Variants in KIRREL3 observed in about 807,000 individuals in gnomAD.
The protein encoded by KIRREL3 is kirre like nephrin family adhesion molecule 3.
Under a neutral mutation model 89.7 loss-of-function variants are expected in KIRREL3, and 36 were observed. The ratio of observed to expected loss-of-function variants is 0.40; its 90% CI spans 0.31 to 0.53. KIRREL3 has a LOEUF of 0.53. Ranked by LOEUF, KIRREL3 falls within the 20% of genes least tolerant of loss-of-function variation. The pLI is 0.49. For missense variants in KIRREL3, 864 were observed against 1,056.6 expected, an observed-to-expected ratio of 0.82 and a Z score of 2.53; for synonymous variants, 445 against 441.4, an observed-to-expected ratio of 1.01 and a Z score of -0.10.
chr11:126,737,478 G>A (rs1948841548), intron 1 of KIRREL3, among the ~76,000 whole-genome samples: 1 of 152,216 alleles, frequency 6.6e-6, no homozygotes, highest in Admixed American at 6.5e-5. Flanking sequence ...ACAGACGATG[G>A]TCTCCTGAGT....
intron 6 of KIRREL3, among the ~76,000 whole-genome samples, chr11:126,456,793 G>A (rs1181411696): frequency 6.6e-6 from 1 of 152,218 alleles, no homozygotes; most frequent in Non-Finnish European, 1.5e-5. Flanking sequence ...GTGCAGGGCA[G>A]AGAGGGGCGC....
intron 1 of KIRREL3, among the ~76,000 whole-genome samples, chr11:126,823,129 G>A (rs1181809384): frequency 6.6e-6 from 1 of 152,184 alleles, no homozygotes; most frequent in Non-Finnish European, 1.5e-5. Context: ...AGGCAACTCA[G>A]CAAATCCAGA....
At position 126,562,930 on chromosome 11, in the gene KIRREL3, G is replaced by A; in HGVS notation, c.56-18C>T. 1 of 1,609,066 alleles carries A rather than the reference G, an allele frequency of 6.2e-7. No homozygotes were observed. The highest frequency in any genetic ancestry group is 8.5e-7 in the Non-Finnish European group (1 of 1,175,680). On this transcript the variant is annotated intron_variant, in intron 1 of 16. Coordinates refer to ENST00000525144, the MANE Select transcript of KIRREL3 (RefSeq NM_032531.4). The surrounding 1 kb of genome is among the most constrained non-coding windows in gnomAD (Gnocchi z 4.7). ...GCCCAGCTCTGGAAGAGAAGCATAG[G>A]TGGGTGAGTTGGGAATGGGAACAGG... is the stretch of plus-strand genomic sequence containing the variant.
rs910125788 is a variant in KIRREL3, at chr11:126,876,755, G to C, written c.55+123700C>G. Among the ~76,000 whole-genome samples, 2 of 151,992 alleles carry C rather than the reference G, an allele frequency of 1.3e-5. No homozygotes were observed. The highest frequency in any genetic ancestry group is 4.8e-5 in the African/African-American group (2 of 41,360). On this transcript the variant is annotated intron_variant, in intron 1 of 16. Coordinates refer to ENST00000525144, the MANE Select transcript of KIRREL3 (RefSeq NM_032531.4). This position sits in a 1 kb window ranked among gnomAD's most constrained non-coding sequence, Gnocchi z 4.1. The stretch of plus-strand genomic sequence containing the variant: ...GGGTTTCACCATGTTGGCCAGGCTG[G>C]TTTTGAACTCATGACCTGATCTGCC...
rs552531733 is a variant in KIRREL3 at position 126,811,620 on chromosome 11, C to T, written c.55+188835G>A. 6.6e-6 allele frequency among the ~76,000 whole-genome samples: 1 copy of T among 152,202 alleles called. No individual in the cohort carries two copies. Among genetic ancestry groups the T allele is most frequent in the Admixed American group, 6.5e-5 (1 of 15,294 alleles). ...TTCTTTTTTGAGATGGAGTTTTGCT[C>T]TTGTCACCCAGGCTGGTGTGGAATG... On this transcript the variant is annotated intron_variant, in intron 1 of 16. Coordinates refer to ENST00000525144, the MANE Select transcript of KIRREL3 (RefSeq NM_032531.4). The surrounding 1 kb of genome is among the most constrained non-coding windows in gnomAD (Gnocchi z 4.3).
rs973328584 is a variant in KIRREL3 at position 126,768,006 on chromosome 11, C to T, written c.56-205094G>A. Among the ~76,000 whole-genome samples, 1 of 152,208 alleles carries T rather than the reference C, an allele frequency of 6.6e-6. No homozygotes were observed. The highest frequency in any genetic ancestry group is 1.9e-4 in the East Asian group (1 of 5,198). On this transcript the variant is annotated intron_variant, in intron 1 of 16. Transcript: ENST00000525144. This position sits in a 1 kb window ranked among gnomAD's most constrained non-coding sequence, Gnocchi z 4.5. ...AAGTCCAAATAATCTTCATGACATC[C>T]AAAGCCCTGTGTTCTGCTTCTGAAA...
intron 1 of KIRREL3, among the ~76,000 whole-genome samples, chr11:126,665,687 G>T (rs1163327895): frequency 6.6e-6 from 1 of 152,202 alleles, no homozygotes; most frequent in Non-Finnish European, 1.5e-5. Context: ...CCAGAATGGT[G>T]AGAAATACAT....
Position 126,898,685 on chromosome 11 carries a change from C to T in KIRREL3, c.55+101770G>A, listed in dbSNP as rs1946258410. Reference sequence around the variant, plus strand: ...TATATTTTGGAAGACCTTTATCAAACATAGAATAGTTACCTGGGGGTAAAG... The same window carrying T: ...TATATTTTGGAAGACCTTTATCAAATATAGAATAGTTACCTGGGGGTAAAG... On this transcript the variant is annotated intron_variant, in intron 1 of 16. Coordinates refer to ENST00000525144, the MANE Select transcript of KIRREL3 (RefSeq NM_032531.4). This position sits in a 1 kb window ranked among gnomAD's most constrained non-coding sequence, Gnocchi z 4.9. Among the ~76,000 whole-genome samples, 1 of 151,902 alleles carries T rather than the reference C, an allele frequency of 6.6e-6. No homozygotes were observed. Among genetic ancestry groups the T allele is most frequent in the Non-Finnish European group, 1.5e-5 (1 of 67,992 alleles).
At position 126,987,783 on chromosome 11, in the gene KIRREL3, G is replaced by T. The variant is rs560812607; in HGVS notation, c.55+12672C>A. 2.0e-5 allele frequency among the ~76,000 whole-genome samples: 3 copies of T among 152,158 alleles called. No individual in the cohort carries two copies. Among genetic ancestry groups the T allele is most frequent in the African/African-American group, 7.2e-5 (3 of 41,442 alleles). ...TTCGATCTAAAGGAGCTTTGAAAAC[G>T]TCAAAGAACTTTCATGTTTTGCTAG... On this transcript the variant is annotated intron_variant, in intron 1 of 16. Coordinates refer to ENST00000525144, the MANE Select transcript of KIRREL3 (RefSeq NM_032531.4). This position sits in a 1 kb window ranked among gnomAD's most constrained non-coding sequence, Gnocchi z 4.6.
At chr11:126,899,331 T>G (rs1946282667) in intron 1 of KIRREL3, among the ~76,000 whole-genome samples, 1 of 152,010 alleles carries the variant, frequency 6.6e-6, no homozygotes, top group African/African-American at 2.4e-5. Flanking sequence ...TAAATGGAGG[T>G]CATCAAAGTC....
chr11:126,962,624 G>T (rs181978955), intron 1 of KIRREL3, among the ~76,000 whole-genome samples: 263 of 152,296 alleles, frequency 1.7e-3, no homozygotes, highest in African/African-American at 6.0e-3. Flanking sequence ...AATAAGCTTA[G>T]GTGATAAAGC....
In KIRREL3 at chr11:126,766,187, C is replaced by G. The variant is rs546391149; in HGVS notation, c.56-203275G>C. Among the ~76,000 whole-genome samples the G allele has an allele frequency of 6.6e-6, 1 of 151,914 alleles. No homozygotes were observed. The highest frequency in any genetic ancestry group is 1.5e-5 in the Non-Finnish European group (1 of 67,992). ...CCCACACTAACTGGAGTCTCTACCT[C>G]TCTCCTCCTCCCCTCTCTTCTCCTT... On this transcript the variant is annotated intron_variant, in intron 1 of 16. Transcript: ENST00000525144. The surrounding 1 kb of genome is among the most constrained non-coding windows in gnomAD (Gnocchi z 4.2).
intron 1 of KIRREL3, among the ~76,000 whole-genome samples, chr11:126,702,472 C>G (rs2134121289): frequency 6.6e-6 from 1 of 152,292 alleles, no homozygotes; most frequent in Admixed American, 6.5e-5. Context: ...AATGACAGAG[C>G]CTCTGCTGAG....
At chr11:126,832,928 A>G (rs1473303071) in intron 1 of KIRREL3, among the ~76,000 whole-genome samples, 1 of 152,178 alleles carries the variant, frequency 6.6e-6, no homozygotes, top group Non-Finnish European at 1.5e-5. Context: ...GCACAGATCA[A>G]GCTATGTTAA....
intron 1 of KIRREL3, among the ~76,000 whole-genome samples, chr11:126,827,660 G>T (rs73026566): frequency 0.035 from 5,381 of 152,300 alleles, 116 homozygotes; most frequent in African/African-American, 0.057. Flanking sequence ...CATTACATAG[G>T]TGGGCATATC....
intron 1 of KIRREL3, among the ~76,000 whole-genome samples, chr11:126,595,203 G>A (rs1473759602): frequency 1.3e-5 from 2 of 152,244 alleles, no homozygotes; most frequent in Non-Finnish European, 2.9e-5. Context: ...GTGAGGGGCT[G>A]AAGAGGGTGG....
chr11:126,737,092 G>A (rs1234812784), intron 1 of KIRREL3, among the ~76,000 whole-genome samples: 1 of 152,220 alleles, frequency 6.6e-6, no homozygotes, highest in Non-Finnish European at 1.5e-5. Flanking sequence ...TAGATTCAGT[G>A]GAATCTGCCT....
chr11:126,461,676 G>A (rs959243948), intron 6 of KIRREL3, among the ~76,000 whole-genome samples: 1 of 152,082 alleles, frequency 6.6e-6, no homozygotes, highest in Admixed American at 6.6e-5. Flanking sequence ...GTGTCTGTCA[G>A]GATTCTAGAC....
rs552322575 is a variant in KIRREL3 at position 126,987,816 on chromosome 11, T to A, written c.55+12639A>T. 5.3e-5 allele frequency among the ~76,000 whole-genome samples: 8 copies of A among 152,364 alleles called. No individual in the cohort carries two copies. In the South Asian group the frequency reaches 1.0e-3, roughly 20 times the overall value. On this transcript the variant is annotated intron_variant, in intron 1 of 16. Coordinates refer to ENST00000525144, the MANE Select transcript of KIRREL3 (RefSeq NM_032531.4). The surrounding 1 kb of genome is among the most constrained non-coding windows in gnomAD (Gnocchi z 4.6). ...ACTTTCATGTTTTGCTAGTTTATCATAAGTGTCTATCTTAAACCAATATTA... is the reference window on the plus strand; with the variant it reads ...ACTTTCATGTTTTGCTAGTTTATCAAAAGTGTCTATCTTAAACCAATATTA...
Sources: allele counts gnomAD v4.1 joint callset (sites outside exome capture counted in the v4.1 genomes callset), GRCh38; gene constraint gnomAD v4.1.1; non-coding constraint Gnocchi (gnomAD v3.1); transcripts MANE v1.5; gene names NCBI Gene and HGNC (gene_info 2026-07-23, HGNC 2026-07-21).